CHL1: variants seen among roughly 807,000 people sequenced by gnomAD.
CHL1 encodes cell adhesion molecule L1 like, also known as neural cell adhesion molecule L1-like protein.
In CHL1, 96 loss-of-function variants were observed where a neutral mutation model predicts 141.9. The observed-to-expected ratio is 0.68, with a 90% CI of 0.57 to 0.80. CHL1 has a LOEUF of 0.80. Ranked by LOEUF, CHL1 falls within the 30% of genes least tolerant of loss-of-function variation. CHL1 has a pLI of 0.00. For synonymous variants in CHL1, 613 were observed against 502.2 expected, an observed-to-expected ratio of 1.22 and a Z score of -2.95; for missense variants, 1,820 against 1,457.2, an observed-to-expected ratio of 1.25 and a Z score of -4.05.
intron 5 of CHL1, among the ~76,000 whole-genome samples, chr3:340,221 T>G (rs1255230923): frequency 3.3e-5 from 5 of 152,186 alleles, no homozygotes; most frequent in African/African-American, 4.8e-5. Context: ...TAAATTTTTA[T>G]TTAATGGGAG....
Position 349,454 on chromosome 3 carries a change from A to G in CHL1, c.944A>G (p.Asn315Ser). The G allele has an allele frequency of 3.1e-6, 5 of 1,613,918 alleles. No homozygotes were observed. Among genetic ancestry groups the G allele is most frequent in the South Asian group, 2.2e-5 (2 of 91,068 alleles). Residue 315 changes from asparagine to serine, a missense_variant, in exon 10 of 28, where the codon AAT becomes AGT. By Grantham distance (46) the Asn-to-Ser change is conservative. Transcript: ENST00000256509. ...ENYGKTLKIE[N>S]VSYQDKGNYR... The stretch of plus-strand genomic sequence containing the variant: ...TATGGCAAGACTTTGAAGATAGAGA[A>G]TGTCTCCTACCAGGACAAAGGAAAT...
At chr3:306,586 G>A (rs78433311) in intron 2 of CHL1, among the ~76,000 whole-genome samples, 4,423 of 152,158 alleles carry the variant, frequency 0.029, 91 homozygotes, top group Middle Eastern at 0.068. Context: ...AGGAAAATAA[G>A]ACTAAAGTTT....
intron 5 of CHL1, among the ~76,000 whole-genome samples, chr3:338,115 C>G (rs560637697): frequency 1.3e-5 from 2 of 152,128 alleles, no homozygotes; most frequent in Admixed American, 6.5e-5. Context: ...CCGCCCACCT[C>G]GGCCTCCCAA....
Position 197,000 on chromosome 3 carries a change from C to A in CHL1, c.-238C>A, listed in dbSNP as rs1021231411. 3.3e-5 allele frequency: 5 copies of A among 152,182 alleles called. No individual in the cohort carries two copies. Among genetic ancestry groups the A allele is most frequent in the African/African-American group, 1.2e-4 (5 of 41,434 alleles). The allele number at this position is 152,182 out of a possible 1,614,324, so 9.4% of individuals were successfully genotyped here. On this transcript the variant is annotated 5_prime_UTR_variant, in exon 1 of 28. Transcript: ENST00000256509. ...GCGCGCCCCCGTCCCGGCTCCCGGC[C>A]GGCTCGGGGGAGAAGGCGCCCGAGG... is the stretch of plus-strand genomic sequence containing the variant.
At chr3:337,251 C>T (rs1357935722) in intron 5 of CHL1, among the ~76,000 whole-genome samples, 4 of 145,164 alleles carry the variant, frequency 2.8e-5, no homozygotes, top group Non-Finnish European at 4.5e-5. Flanking sequence ...AGGGCAGTGG[C>T]ACAATCTCTG....
Position 236,512 on chromosome 3 carries a change from G to A in CHL1, c.-174-8101G>A, listed in dbSNP as rs7644071. Among the ~76,000 whole-genome samples, 362 of 152,234 alleles carry A rather than the reference G, an allele frequency of 2.4e-3. 1 individual carries two copies. The highest frequency in any genetic ancestry group is 8.0e-3 in the African/African-American group (334 of 41,560). On this transcript the variant is annotated intron_variant, in intron 1 of 27. Coordinates refer to ENST00000256509, the MANE Select transcript of CHL1 (RefSeq NM_006614.4). ...TCATTTCTATGAATAAACTATGCCT[G>A]CACTGGCCAAAAATGTGTCTCTCCG...
At chr3:392,151 G>GA (rs1295761810) in intron 23 of CHL1, among the ~76,000 whole-genome samples, 3 of 152,104 alleles carry the variant, frequency 2.0e-5, no homozygotes, top group Non-Finnish European at 2.9e-5. Context: ...ACCTGTTTTA[G>GA]AAAAAAAGCA....
At chr3:342,851 G>A in intron 7 of CHL1, 133 bp from the exon 8 acceptor site, 1 of 594,966 alleles carries the variant, frequency 1.7e-6, no homozygotes, top group Non-Finnish European at 2.9e-6. Flanking sequence ...ATTCCCAAAG[G>A]CAATGTTCTA....
chr3:292,535 G>A (rs1316682479), intron 2 of CHL1, among the ~76,000 whole-genome samples: 2 of 152,212 alleles, frequency 1.3e-5, no homozygotes, highest in Non-Finnish European at 2.9e-5. Context: ...CCACACCACA[G>A]TAGGTAAATC....
chr3:369,607 G>A (rs760712443), intron 15 of CHL1, among the ~76,000 whole-genome samples: 1 of 152,042 alleles, frequency 6.6e-6, no homozygotes, highest in Non-Finnish European at 1.5e-5. Flanking sequence ...TTTGCCTGAT[G>A]GCCCTGGCCA....
chr3:224,506 G>T lies in CHL1; in HGVS notation c.-174-20107G>T, dbSNP rs79814368. 3.5e-3 allele frequency among the ~76,000 whole-genome samples: 537 copies of T among 152,142 alleles called. 4 individuals carry two copies. The highest frequency in any genetic ancestry group is 0.012 in the African/African-American group (514 of 41,484). ...GAGTGAGTACTCATGAGATCTGGTT[G>T]TTTAAAAGTAGGTGGCTCCTCCCCA... On this transcript the variant is annotated intron_variant, in intron 1 of 27. Transcript: ENST00000256509.
intron 15 of CHL1, among the ~76,000 whole-genome samples, chr3:367,744 G>C (rs931663153): frequency 1.3e-5 from 2 of 152,112 alleles, no homozygotes; most frequent in East Asian, 1.9e-4. Context: ...CATGTGCCAT[G>C]ATGGTTTGCT....
chr3:227,902 AGAT>A (rs1416123720), intron 1 of CHL1, among the ~76,000 whole-genome samples: 2 of 152,230 alleles, frequency 1.3e-5, no homozygotes, highest in African/African-American at 4.8e-5. Flanking sequence ...GGAGACTATG[AGAT>A]GATAACAGCA....
At chr3:240,357 G>C (rs1692436712) in intron 1 of CHL1, among the ~76,000 whole-genome samples, 1 of 152,096 alleles carries the variant, frequency 6.6e-6, no homozygotes, top group Admixed American at 6.6e-5. Flanking sequence ...GTGATGTTGA[G>C]CATTTTTTTT....
intron 1 of CHL1, among the ~76,000 whole-genome samples, chr3:207,686 G>T (rs779092765): frequency 6.6e-6 from 1 of 152,134 alleles, no homozygotes; most frequent in Non-Finnish European, 1.5e-5. Context: ...CCATAAAGAA[G>T]ATCTGAGTGA....
chr3:304,597 C>G (rs1242556415), intron 2 of CHL1, among the ~76,000 whole-genome samples: 1 of 152,036 alleles, frequency 6.6e-6, no homozygotes, highest in Non-Finnish European at 1.5e-5. Flanking sequence ...TCCCCTTTAT[C>G]ATTTTTTACT....
rs1707187841 is a variant in CHL1 at position 382,666 on chromosome 3, C to G, written c.2171C>G (p.Pro724Arg). The G allele has an allele frequency of 6.2e-7, 1 of 1,613,182 alleles. No homozygotes were observed. Among genetic ancestry groups the G allele is most frequent in the Non-Finnish European group, 8.5e-7 (1 of 1,179,492 alleles). Residue 724 changes from proline to arginine, a missense_variant, in exon 18 of 28, where the codon CCA becomes CGA. Pro to Arg is a moderately radical substitution (Grantham distance 103). Transcript: ENST00000256509. ...CCGTCAGACCATCATGAAACACCAC[C>G]AGCAGGTATGCAGGTTCTCACATCA... ...SQPSDHHETP[P>R]AAPDRNPQNI... is the part of the protein sequence containing the mutation.
intron 1 of CHL1, among the ~76,000 whole-genome samples, chr3:207,754 C>T (rs1699564872): frequency 6.6e-6 from 1 of 152,188 alleles, no homozygotes; most frequent in East Asian, 1.9e-4. Flanking sequence ...CCATTTTCTT[C>T]GTGACCTCTA....
At chr3:326,295 TTAGAG>T (rs1186932654) in intron 4 of CHL1, among the ~76,000 whole-genome samples, 3 of 152,190 alleles carry the variant, frequency 2.0e-5, no homozygotes, top group South Asian at 2.1e-4. Context: ...ATTAAAATAC[TTAGAG>T]TAGTCTTTGG....
Sources: gnomAD v4.1 joint callset for allele counts (sites outside exome capture counted in the v4.1 genomes callset) on GRCh38, gnomAD v4.1.1 for gene constraint, MANE v1.5 for transcripts, NCBI Gene and HGNC (gene_info 2026-07-23, HGNC 2026-07-21) for gene names.